Variants in SLC48A1 observed in about 807,000 individuals in gnomAD.
SLC48A1 encodes the protein heme transporter HRG1.
A neutral mutation model predicts 14.8 loss-of-function variants in SLC48A1; 6 were observed. The ratio of observed to expected loss-of-function variants is 0.41; its 90% CI spans 0.22 to 0.80. The LOEUF is 0.80. Among genes scored for constraint, SLC48A1 ranks in the 30% least tolerant of loss-of-function variants. The probability of loss-of-function intolerance (pLI) is 0.34; values close to 1 mark genes in which losing one functional copy is unlikely to be tolerated. For missense variants in SLC48A1, 165 were observed against 204.8 expected, an observed-to-expected ratio of 0.81 and a Z score of 1.19; for synonymous variants, 89 against 90.0, an observed-to-expected ratio of 0.99 and a Z score of 0.06.
At position 47,782,336 on chromosome 12, in the gene SLC48A1, G is replaced by A. The variant is rs559746205; in HGVS notation, c.*2055G>A. ...CCCCAGAAGACGATTTGACTTACCT[G>A]AGCTCCCAGCTGGGACTTAAACCCA... On this transcript the variant is annotated 3_prime_UTR_variant, in exon 3 of 3. Transcript: ENST00000442218. The A allele has an allele frequency of 1.3e-5, 2 of 152,362 alleles. No homozygotes were observed. The highest frequency in any genetic ancestry group is 6.5e-5 in the Admixed American group (1 of 15,306). The allele number at this position is 152,362 out of a possible 1,614,324, so 9.4% of individuals were successfully genotyped here.
At position 47,780,307 on chromosome 12, in the gene SLC48A1, T is replaced by TG. The variant is rs558008660; in HGVS notation, c.*33dup. On this transcript the variant is annotated 3_prime_UTR_variant, in exon 3 of 3. Transcript: ENST00000442218. ...CCCAGGGGGTGAGGTCTCTGCACCCTGGGGGGGCCTTAGGACCTGGACTCA... is the reference window on the plus strand; with the variant it reads ...CCCAGGGGGTGAGGTCTCTGCACCCTGGGGGGGGCCTTAGGACCTGGACTCA... 1.9e-4 allele frequency: 303 copies of TG among 1,613,840 alleles called. 1 individual carries two copies. The highest frequency in any genetic ancestry group is 7.2e-4 in the South Asian group (66 of 91,090).
intron 1 of SLC48A1, 99 bp downstream of exon 1, chr12:47,773,539 G>T (rs554077815): frequency 2.4e-6 from 3 of 1,234,000 alleles, no homozygotes; most frequent in Non-Finnish European, 3.0e-6. Context: ...GCTTCCCCGC[G>T]GAGCGGGTGG....
At chr12:47,761,730 G>A (rs1288326430) in intron 2 of SLC48A1, among the ~76,000 whole-genome samples, 1 of 152,236 alleles carries the variant, frequency 6.6e-6, no homozygotes, top group Non-Finnish European at 1.5e-5. Flanking sequence ...GTCATTAAAT[G>A]CTTGGCAGGT....
chr12:47,759,148 CGGTGAGT>C, intron 1 of SLC48A1: 1 of 972,006 alleles, frequency 1.0e-6, no homozygotes, highest in Non-Finnish European at 1.2e-6. Context: ...AGGGATCCGG[CGGTGAGT>C]GGCTGCACTG....
intron 1 of SLC48A1, among the ~76,000 whole-genome samples, chr12:47,776,086 C>T (rs1942745857): frequency 1.3e-5 from 2 of 152,224 alleles, no homozygotes; most frequent in Non-Finnish European, 2.9e-5. Context: ...CCAGGACTGT[C>T]TTCCTCCTAG....
In SLC48A1 at chr12:47,781,820, G is replaced by A. The variant is rs1258811313; in HGVS notation, c.*1539G>A. ...GTTGTGCCCTGGAGGGCAGGGGACA[G>A]AGTCAGTATCTCTGGGGCTGCAGGC... is the stretch of plus-strand genomic sequence containing the variant. On this transcript the variant is annotated 3_prime_UTR_variant, in exon 3 of 3. Coordinates refer to ENST00000442218, the MANE Select transcript of SLC48A1 (RefSeq NM_017842.3). The A allele has an allele frequency of 6.6e-6, 1 of 152,480 alleles. No individual in the cohort carries two copies. The highest frequency in any genetic ancestry group is 6.5e-5 in the Admixed American group (1 of 15,290). 9.4% of individuals were successfully genotyped at this position (152,480 alleles called of 1,614,324 possible). A position where few individuals can be genotyped will look rare whatever the true frequency, so the allele number is the denominator to read the frequency against.
rs375871409 is a variant in SLC48A1 at position 47,780,295 on chromosome 12, G to A, written c.*14G>A. On this transcript the variant is annotated 3_prime_UTR_variant, in exon 3 of 3. Coordinates refer to ENST00000442218, the MANE Select transcript of SLC48A1 (RefSeq NM_017842.3). The stretch of plus-strand genomic sequence containing the variant: ...AGCGATTTCTGACCCAGGGGGTGAG[G>A]TCTCTGCACCCTGGGGGGGCCTTAG... 1 of 1,614,180 alleles carries A rather than the reference G, an allele frequency of 6.2e-7. No individual in the cohort carries two copies. Among genetic ancestry groups the A allele is most frequent in the Non-Finnish European group, 8.5e-7 (1 of 1,180,006 alleles).
At chr12:47,759,802 C>T (rs1942318773) in intron 1 of SLC48A1, among the ~76,000 whole-genome samples, 2 of 152,224 alleles carry the variant, frequency 1.3e-5, no homozygotes, top group Non-Finnish European at 2.9e-5. Context: ...GAACGCCCCA[C>T]CCCCAGCTTT....
chr12:47,754,842 C>G (rs1349062897), upstream of SLC48A1, among the ~76,000 whole-genome samples: 3 of 152,226 alleles, frequency 2.0e-5, no homozygotes, highest in African/African-American at 7.2e-5. Context: ...ACTCCCCACT[C>G]TCATTCCTGA....
At chr12:47,764,096 A>AACGAGTAACTGCTTT (rs1181112802) in intron 2 of SLC48A1, among the ~76,000 whole-genome samples, 1 of 152,124 alleles carries the variant, frequency 6.6e-6, no homozygotes, top group African/African-American at 2.4e-5. Flanking sequence ...AATGTATAGA[A>AACGAGTAACTGCTTT]ACGAGTAACT....
intron 2 of SLC48A1, among the ~76,000 whole-genome samples, chr12:47,766,324 CTTA>C (rs1475787700): frequency 1.3e-5 from 2 of 152,138 alleles, no homozygotes; most frequent in East Asian, 3.9e-4. Context: ...GCCCTCAAGC[CTTA>C]TTATTCTCTC....
At chr12:47,754,263 G>A (rs578004792), upstream of SLC48A1, among the ~76,000 whole-genome samples, 1 of 152,364 alleles carries the variant, frequency 6.6e-6, no homozygotes, top group African/African-American at 2.4e-5. Flanking sequence ...TTGTGCTATA[G>A]GCACAGACAG....
At chr12:47,758,351 C>T, upstream of SLC48A1, 1 of 1,457,392 alleles carries the variant, frequency 6.9e-7, no homozygotes, top group Non-Finnish European at 9.1e-7. Flanking sequence ...CTGCCCATGC[C>T]CCTGCAGGGA....
At chr12:47,764,147 CATGTGTGTGTAT>C (rs1298309054) in intron 2 of SLC48A1, among the ~76,000 whole-genome samples, 5 of 151,808 alleles carry the variant, frequency 3.3e-5, no homozygotes, top group African/African-American at 1.2e-4. Context: ...AGAGAGAGAG[CATGTGTGTGTAT>C]GTGTGTGTGT....
At chr12:47,758,007 C>T (rs1462324118), upstream of SLC48A1, 12 of 1,574,734 alleles carry the variant, frequency 7.6e-6, no homozygotes, top group Non-Finnish European at 9.5e-6. Flanking sequence ...CTCCCACCCG[C>T]GGTGCTCCCA....
chr12:47,780,888 C>G lies in SLC48A1; in HGVS notation c.*607C>G, dbSNP rs763290193. On this transcript the variant is annotated 3_prime_UTR_variant, in exon 3 of 3. Coordinates refer to ENST00000442218, the MANE Select transcript of SLC48A1 (RefSeq NM_017842.3). ...GGCCTGGATCTGTTTTCTTAGCACG[C>G]AGTGAGGAATCTTTGTACTTAAGGC... 4 of 532,830 alleles carry G rather than the reference C, an allele frequency of 7.5e-6. No individual in the cohort carries two copies. Among genetic ancestry groups the G allele is most frequent in the Non-Finnish European group, 1.5e-5 (4 of 260,004 alleles). The allele number at this position is 532,830 out of a possible 1,614,324, so 33.0% of individuals were successfully genotyped here.
chr12:47,758,886 C>G lies in SLC48A1; in HGVS notation c.-373+226C>G. The stretch of plus-strand genomic sequence containing the variant: ...CGCTGAAGCAAGGCTGCGCTGGCAC[C>G]GGTCCGGGCGGGAGCTGTCACACCC... On this transcript the variant is annotated intron_variant, in intron 1 of 4. Coordinates refer to the SLC48A1 transcript ENST00000547002. 2.7e-6 allele frequency: 3 copies of G among 1,123,338 alleles called. No homozygotes were observed. In the East Asian group the frequency reaches 1.5e-4, roughly 56 times the overall value. The allele number at this position is 1,123,338 out of a possible 1,614,324, so 69.6% of individuals were successfully genotyped here.
At chr12:47,773,148 G>C (rs2136861589), upstream of SLC48A1, 2 of 969,926 alleles carry the variant, frequency 2.1e-6, no homozygotes, top group Admixed American at 1.2e-4. Flanking sequence ...CTCCGGCCGG[G>C]GAGGGCGCTG....
rs759980905 is a variant in SLC48A1 at position 47,780,886 on chromosome 12, C to A, written c.*605C>A. The A allele has an allele frequency of 3.8e-6, 2 of 532,740 alleles. No individual in the cohort carries two copies. The highest frequency in any genetic ancestry group is 7.7e-6 in the Non-Finnish European group (2 of 259,962). 33.0% of individuals were successfully genotyped at this position (532,740 alleles called of 1,614,324 possible). A position where few individuals can be genotyped will look rare whatever the true frequency, so the allele number is the denominator to read the frequency against. On this transcript the variant is annotated 3_prime_UTR_variant, in exon 3 of 3. Transcript: ENST00000442218. ...CCGGCCTGGATCTGTTTTCTTAGCA[C>A]GCAGTGAGGAATCTTTGTACTTAAG...
Sources: gnomAD v4.1 joint callset for allele counts (sites outside exome capture counted in the v4.1 genomes callset) on GRCh38, gnomAD v4.1.1 for gene constraint, MANE v1.5 for transcripts, NCBI Gene and HGNC (gene_info 2026-07-23, HGNC 2026-07-21) for gene names.